Variants in TAOK3 observed in about 807,000 individuals in gnomAD.
The protein encoded by TAOK3 is serine/threonine-protein kinase TAO3.
Under a neutral mutation model 120.4 loss-of-function variants are expected in TAOK3, and 40 were observed. That is an observed-to-expected ratio of 0.33 (90% CI 0.26 to 0.43). The LOEUF is 0.43. Ranked by LOEUF, TAOK3 falls within the 20% of genes least tolerant of loss-of-function variation. The pLI, the probability that TAOK3 is intolerant of heterozygous loss-of-function variation, is 1.00. For synonymous variants in TAOK3, 355 were observed against 387.5 expected (o/e 0.92, Z 0.99); for missense variants, 821 against 1,112.1 (o/e 0.74, Z 3.72).
In TAOK3 at chr12:118,371,298, T is replaced by C. The variant is rs1053544177; in HGVS notation, c.-194+1350A>G. 4.6e-5 allele frequency among the ~76,000 whole-genome samples: 7 copies of C among 152,146 alleles called. No individual in the cohort carries two copies. Among genetic ancestry groups the C allele is most frequent in the Non-Finnish European group, 8.8e-5 (6 of 68,030 alleles). On this transcript the variant is annotated intron_variant, in intron 1 of 20. Transcript: ENST00000392533. This position sits in a 1 kb window ranked among gnomAD's most constrained non-coding sequence, Gnocchi z 5.5. ...GAGGTTTGAAGAAGCCCCTTCCAACTTTTCACCTGACCTTTTCATTAAGAT... is the reference window on the plus strand; with the variant it reads ...GAGGTTTGAAGAAGCCCCTTCCAACCTTTCACCTGACCTTTTCATTAAGAT...
intron 1 of TAOK3, chr12:118,283,821 G>A (rs951640106): frequency 3.6e-5 from 6 of 165,128 alleles, no homozygotes; most frequent in South Asian, 2.8e-4. Flanking sequence ...AGGTTGCAGC[G>A]TATTAGGAAA....
At chr12:118,152,643 C>T (rs1592949186) in intron 19 of TAOK3, 1 of 462,378 alleles carries the variant, frequency 2.2e-6, no homozygotes. Flanking sequence ...ACCACAGCAG[C>T]AGGCGTCAGG....
In TAOK3 at chr12:118,151,409, A is replaced by G. The variant is rs539184605; in HGVS notation, c.2536-251T>C. Among the ~76,000 whole-genome samples, 10 of 152,216 alleles carry G rather than the reference A, an allele frequency of 6.6e-5. No homozygotes were observed. The South Asian group carries it at 2.1e-3, about 32-fold the overall frequency. On this transcript the variant is annotated intron_variant, in intron 20 of 20. Coordinates refer to ENST00000392533, the MANE Select transcript of TAOK3 (RefSeq NM_016281.4). ...TTTAAAACTTGCTCACAAGAATATC[A>G]ATGTTTGGGGTCCACCTGGGGCTGG...
chr12:118,213,507 A>C (rs1426791755), intron 10 of TAOK3, among the ~76,000 whole-genome samples: 3 of 152,190 alleles, frequency 2.0e-5, no homozygotes, highest in African/African-American at 7.2e-5. Context: ...CCCCTTTTAA[A>C]ATAACTCTTG....
chr12:118,175,794 C>G (rs1420061694), intron 16 of TAOK3, among the ~76,000 whole-genome samples: 1 of 152,148 alleles, frequency 6.6e-6, no homozygotes, highest in Non-Finnish European at 1.5e-5. Flanking sequence ...GACGATTCAC[C>G]TGTAAGTACT....
At chr12:118,339,605 G>A (rs1707349) in intron 1 of TAOK3, among the ~76,000 whole-genome samples, 3 of 150,376 alleles carry the variant, frequency 2.0e-5, no homozygotes, top group African/African-American at 7.4e-5. Flanking sequence ...TTACTCTGTC[G>A]CCCAGGCTGG....
intron 1 of TAOK3, among the ~76,000 whole-genome samples, chr12:118,278,482 T>C (rs2041980980): frequency 6.6e-6 from 1 of 152,226 alleles, no homozygotes; most frequent in Non-Finnish European, 1.5e-5. Flanking sequence ...CTCATTCTTT[T>C]TTCATGGCTG....
chr12:118,242,074 C>CA, intron 5 of TAOK3, among the ~76,000 whole-genome samples: 1 of 136,796 alleles, frequency 7.3e-6, no homozygotes, highest in Admixed American at 7.6e-5. Context: ...GCAACAAGAG[C>CA]AAAACTCTGT....
At chr12:118,293,283 G>C (rs778090487) in intron 1 of TAOK3, among the ~76,000 whole-genome samples, 10 of 152,188 alleles carry the variant, frequency 6.6e-5, no homozygotes, top group Admixed American at 2.6e-4. Context: ...TGACTTTGAG[G>C]GGTTAAAGTG....
At chr12:118,321,854 C>A (rs1449915335) in intron 1 of TAOK3, among the ~76,000 whole-genome samples, 1 of 151,706 alleles carries the variant, frequency 6.6e-6, no homozygotes, top group Non-Finnish European at 1.5e-5. Context: ...GAGACGGAGT[C>A]TCACTGTCTC....
At chr12:118,204,893 C>A (rs949698298) in intron 11 of TAOK3, among the ~76,000 whole-genome samples, 16 of 152,030 alleles carry the variant, frequency 1.1e-4, no homozygotes, top group African/African-American at 3.9e-4. Flanking sequence ...AGGGACCGGG[C>A]ATGGTGGCTC....
rs781407314 is a variant in TAOK3 at position 118,201,320 on chromosome 12, C to G, written c.963G>C (p.Leu321Phe). 5 of 1,613,720 alleles carry G rather than the reference C, an allele frequency of 3.1e-6. No homozygotes were observed. The change falls in exon 12 of 21, where the codon TTG (leucine) becomes TTC (phenylalanine). Residue 321 changes from leucine to phenylalanine, a missense_variant. This residue lies in a region of TAOK3 where 467 missense variants were observed against 540.0 expected (regional missense o/e 0.86). Coordinates refer to ENST00000392533, the MANE Select transcript of TAOK3 (RefSeq NM_016281.4). ...ILFQETRNGP[L>F]NESQEDEEDS... is the part of the protein sequence containing the mutation. ...CTTCCTCATCCTCCTGTGACTCATT[C>G]AAGGGTCCATTCCGTGTCTCTTGGA...
Position 118,310,829 on chromosome 12 carries a change from G to A in TAOK3, c.-193-44070C>T, listed in dbSNP as rs1249407339. Among the ~76,000 whole-genome samples, 6 of 152,256 alleles carry A rather than the reference G, an allele frequency of 3.9e-5. No homozygotes were observed. The South Asian group carries it at 6.2e-4, about 16-fold the overall frequency. On this transcript the variant is annotated intron_variant, in intron 1 of 20. Transcript: ENST00000392533. ...AAATGGAGTCAAGAATGTGTAAACC[G>A]TGTAGTGTAGATAGCCTTAATATAT...
At chr12:118,194,424 C>T (rs1213802409) in intron 13 of TAOK3, among the ~76,000 whole-genome samples, 2 of 152,106 alleles carry the variant, frequency 1.3e-5, no homozygotes, top group Non-Finnish European at 2.9e-5. Flanking sequence ...AAAGACGTTA[C>T]TACAGAGAAG....
At chr12:118,222,440 G>A (rs926841898) in intron 9 of TAOK3, among the ~76,000 whole-genome samples, 4 of 152,028 alleles carry the variant, frequency 2.6e-5, no homozygotes, top group Admixed American at 2.6e-4. Flanking sequence ...GGCTGAGGCA[G>A]GAGAATTGCT....
At chr12:118,153,272 A>G (rs911676593) in intron 19 of TAOK3, among the ~76,000 whole-genome samples, 1 of 152,122 alleles carries the variant, frequency 6.6e-6, no homozygotes, top group Non-Finnish European at 1.5e-5. Flanking sequence ...TTAGCCAGGC[A>G]TGGTGGCATG....
At chr12:118,353,518 T>G (rs1451963148) in intron 1 of TAOK3, among the ~76,000 whole-genome samples, 1 of 151,948 alleles carries the variant, frequency 6.6e-6, no homozygotes, top group East Asian at 1.9e-4. Flanking sequence ...AGATTTAACA[T>G]AGTGGAAAAC....
At chr12:118,360,461 G>C (rs188615808) in intron 1 of TAOK3, among the ~76,000 whole-genome samples, 1 of 151,358 alleles carries the variant, frequency 6.6e-6, no homozygotes, top group Non-Finnish European at 1.5e-5. Context: ...CCAGCTACTC[G>C]GGAGGCTGAG....
At chr12:118,234,478 T>C (rs1283100105) in intron 8 of TAOK3, among the ~76,000 whole-genome samples, 1 of 152,090 alleles carries the variant, frequency 6.6e-6, no homozygotes, top group Admixed American at 6.5e-5. Flanking sequence ...TCTCCTGACC[T>C]CGTGATCCAC....
Sources: gnomAD v4.1 joint callset for allele counts (sites outside exome capture counted in the v4.1 genomes callset) on GRCh38, gnomAD v4.1.1 for gene constraint, gnomAD v4.1.1 regional missense constraint, Gnocchi (gnomAD v3.1) non-coding constraint, MANE v1.5 for transcripts, NCBI Gene and HGNC (gene_info 2026-07-23, HGNC 2026-07-21) for gene names.